The following DENND2B variants were observed in gnomAD, a reference collection of about 807,000 sequenced individuals.
DENND2B encodes the protein DENN domain-containing protein 2B.
Under a neutral mutation model 116.0 loss-of-function variants are expected in DENND2B, and 32 were observed. The observed-to-expected ratio is 0.28, with a 90% CI of 0.21 to 0.37. The LOEUF (loss-of-function observed/expected upper bound fraction) is 0.37. Ranked by LOEUF, DENND2B falls within the 10% of genes least tolerant of loss-of-function variation. The pLI is 1.00. For missense variants in DENND2B, 1,276 were observed against 1,477.7 expected, an observed-to-expected ratio of 0.86 and a Z score of 2.24; for synonymous variants, 588 against 583.9, an observed-to-expected ratio of 1.01 and a Z score of -0.10.
chr11:8,845,937 A>T (rs532062422), intron 3 of DENND2B, among the ~76,000 whole-genome samples: 3 of 152,168 alleles, frequency 2.0e-5, no homozygotes, highest in African/African-American at 7.2e-5. Context: ...GTGTCTAGAA[A>T]CCAAAAATAC....
chr11:8,810,685 T>G (rs1329009381), upstream of DENND2B: 3 of 152,290 alleles, frequency 2.0e-5, no homozygotes, highest in African/African-American at 7.2e-5. Flanking sequence ...AGCAGAGCAC[T>G]GCTAGCCGGC....
At chr11:8,811,480 G>A (rs561178857), upstream of DENND2B, 121 of 393,184 alleles carry the variant, frequency 3.1e-4, no homozygotes, top group Middle Eastern at 6.4e-4. Flanking sequence ...TGCAGGCTTA[G>A]TGGGAGCTGC....
chr11:8,826,129 C>T lies in DENND2B; in HGVS notation c.-115+13181G>A, dbSNP rs988638984. On this transcript the variant is annotated intron_variant, in intron 4 of 6. Transcript: ENST00000524757. Reference sequence around the variant, plus strand: ...TAGAAAACTACCGCTTTTATCCCCACGGAGTCATCTCTGGGGAATAAAGAA... The same window carrying T: ...TAGAAAACTACCGCTTTTATCCCCATGGAGTCATCTCTGGGGAATAAAGAA... 3.9e-5 allele frequency among the ~76,000 whole-genome samples: 6 copies of T among 152,308 alleles called. No individual in the cohort carries two copies. The East Asian group carries it at 9.6e-4, about 24-fold the overall frequency.
At chr11:8,700,008 G>A (rs2041232250) in intron 14 of DENND2B, 2 of 456,290 alleles carry the variant, frequency 4.4e-6, no homozygotes, top group Middle Eastern at 3.3e-4. Flanking sequence ...TGTGCTCAGA[G>A]GCAGCTGCAA....
intron 14 of DENND2B, 152 bp from the exon 15 acceptor site, chr11:8,699,542 C>T (rs974144398): frequency 1.4e-6 from 1 of 728,134 alleles, no homozygotes; most frequent in Non-Finnish European, 2.2e-6. Context: ...AAAGTCCCCG[C>T]TTTCCCACTG....
At chr11:8,704,841 G>A (rs1482623173) in intron 13 of DENND2B, among the ~76,000 whole-genome samples, 1 of 152,106 alleles carries the variant, frequency 6.6e-6, no homozygotes, top group Non-Finnish European at 1.5e-5. Context: ...GGGATTACAG[G>A]CATGCGCCAC....
chr11:8,891,242 A>C (rs1159150595), intron 1 of DENND2B, among the ~76,000 whole-genome samples: 2 of 152,216 alleles, frequency 1.3e-5, no homozygotes, highest in African/African-American at 4.8e-5. Context: ...TGAAGGAAGC[A>C]ATAAACATGG....
At position 8,702,890 on chromosome 11, in the gene DENND2B, T is replaced by G; in HGVS notation, c.2572-170A>C. On this transcript the variant is annotated intron_variant, in intron 13 of 19. Coordinates refer to ENST00000313726, the MANE Select transcript of DENND2B (RefSeq NM_213618.2). The surrounding 1 kb of genome is among the most constrained non-coding windows in gnomAD (Gnocchi z 4.6). ...TCTTCTCCATCCCTCGGACTACAGCTCTGCTCTCGTAGCACTCGAACACCC... is the reference window on the plus strand; with the variant it reads ...TCTTCTCCATCCCTCGGACTACAGCGCTGCTCTCGTAGCACTCGAACACCC... 1 of 808,388 alleles carries G rather than the reference T, an allele frequency of 1.2e-6. No individual in the cohort carries two copies. 50.1% of individuals were successfully genotyped at this position (808,388 alleles called of 1,614,324 possible).
intron 1 of DENND2B, among the ~76,000 whole-genome samples, chr11:8,796,376 C>CA (rs1290032964): frequency 6.6e-6 from 1 of 152,084 alleles, no homozygotes; most frequent in Admixed American, 6.6e-5. Flanking sequence ...ACCCTCTCTA[C>CA]AAAAATACAA....
intron 4 of DENND2B, chr11:8,830,886 G>A (rs1165222401): frequency 6.6e-6 from 1 of 152,278 alleles, no homozygotes; most frequent in East Asian, 1.9e-4. Flanking sequence ...TGACAGTAGT[G>A]GGAAGATAAA....
intron 1 of DENND2B, among the ~76,000 whole-genome samples, chr11:8,802,299 G>GGAA (rs113600243): frequency 5.5e-5 from 8 of 144,542 alleles, no homozygotes; most frequent in Admixed American, 5.5e-4. Flanking sequence ...ACTCTGTCTG[G>GGAA]AAAAAAAAAA....
Position 8,693,669 on chromosome 11 carries a change from C to CAA in DENND2B, c.*425_*426dup, listed in dbSNP as rs1286392145. ...TTTTAAAAGGTCCTCCTGTACATAACAAGACAGCATCTGCTCTCCAGGGCC... is the reference window on the plus strand; with the variant it reads ...TTTTAAAAGGTCCTCCTGTACATAACAAAAGACAGCATCTGCTCTCCAGGGCC... On this transcript the variant is annotated 3_prime_UTR_variant, in exon 20 of 20. Transcript: ENST00000313726. The CAA allele has an allele frequency of 5.6e-6, 1 of 178,584 alleles. No homozygotes were observed. 11.1% of individuals were successfully genotyped at this position (178,584 alleles called of 1,614,324 possible). A position where few individuals can be genotyped will look rare whatever the true frequency, so the allele number is the denominator to read the frequency against.
At chr11:8,884,825 G>T (rs946765932) in intron 1 of DENND2B, among the ~76,000 whole-genome samples, 1 of 152,080 alleles carries the variant, frequency 6.6e-6, no homozygotes, top group Non-Finnish European at 1.5e-5. Flanking sequence ...TCTTAAACAG[G>T]GAGCCATTCA....
chr11:8,790,501 G>A (rs145652621), intron 1 of DENND2B, among the ~76,000 whole-genome samples: 1 of 152,218 alleles, frequency 6.6e-6, no homozygotes, highest in African/African-American at 2.4e-5. Flanking sequence ...AGGCACAGTG[G>A]CTCACACCTG....
At chr11:8,786,069 G>A (rs1474806869) in intron 1 of DENND2B, among the ~76,000 whole-genome samples, 1 of 152,204 alleles carries the variant, frequency 6.6e-6, no homozygotes, top group Admixed American at 6.5e-5. Context: ...TGATATTTAA[G>A]GAAGACTGTC....
intron 2 of DENND2B, among the ~76,000 whole-genome samples, chr11:8,860,569 C>T (rs2063357442): frequency 6.6e-6 from 1 of 152,284 alleles, no homozygotes; most frequent in South Asian, 2.1e-4. Context: ...GAAATACACC[C>T]CATGCTCATG....
chr11:8,773,769 A>G (rs553117564), intron 1 of DENND2B, among the ~76,000 whole-genome samples: 9 of 152,266 alleles, frequency 5.9e-5, no homozygotes, highest in Middle Eastern at 3.4e-3. Flanking sequence ...ACCCCCAATG[A>G]ATTCTCATAA....
chr11:8,776,146 GCACGCGCGCGCGCGCACACACACA>G (rs769023456), intron 1 of DENND2B: 43 of 292,396 alleles, frequency 1.5e-4, no homozygotes, highest in South Asian at 5.6e-4. Context: ...GCACGTGCGC[GCACGCGCGCGCGCGCACACACACA>G]CACACACACA....
At chr11:8,883,600 A>G (rs1178489192) in intron 1 of DENND2B, among the ~76,000 whole-genome samples, 1 of 152,222 alleles carries the variant, frequency 6.6e-6, no homozygotes, top group East Asian at 1.9e-4. Flanking sequence ...TTGTTTGAGA[A>G]GGCATACGTG....
Sources: allele counts gnomAD v4.1 joint callset (sites outside exome capture counted in the v4.1 genomes callset), GRCh38; gene constraint gnomAD v4.1.1; non-coding constraint Gnocchi (gnomAD v3.1); transcripts MANE v1.5; gene names NCBI Gene and HGNC (gene_info 2026-07-23, HGNC 2026-07-21).